Variants in AKAP19 observed in about 807,000 individuals in gnomAD.
AKAP19 encodes small A-kinase anchoring protein.
chr2:189,931,515 C>T, the AKAP19 span, among the ~76,000 whole-genome samples: 1 of 152,128 alleles, frequency 6.6e-6, no homozygotes, highest in African/African-American at 2.4e-5. Context: ...GTACACATCA[C>T]CACACCTGGC....
At chr2:190,200,167 C>CTT in the AKAP19 span, 3 of 1,602,846 alleles carry the variant, frequency 1.9e-6, no homozygotes, top group Admixed American at 1.7e-5. Context: ...GATGACAACA[C>CTT]TTTGACTGTG....
the AKAP19 span, among the ~76,000 whole-genome samples, chr2:189,948,047 C>T: frequency 1.3e-5 from 2 of 152,070 alleles, no homozygotes; most frequent in Non-Finnish European, 2.9e-5. Context: ...ATAATAAGTA[C>T]ATTTGTTTAC....
chr2:190,131,224 C>T, the AKAP19 span, among the ~76,000 whole-genome samples: 178 of 152,226 alleles, frequency 1.2e-3, 1 homozygote, highest in Middle Eastern at 0.014. Context: ...TCTTAGTGGG[C>T]ACCTAGATGG....
At chr2:190,038,901 TTTCTTCTTCTTCTTC>T in the AKAP19 span, among the ~76,000 whole-genome samples, 7 of 45,998 alleles carry the variant, frequency 1.5e-4, no homozygotes, top group Admixed American at 2.6e-4. Flanking sequence ...TCTTTCTTTC[TTTCTTCTTCTTCTTC>T]TTCTTCTTCT....
At chr2:190,066,372 A>C in the AKAP19 span, among the ~76,000 whole-genome samples, 1 of 152,184 alleles carries the variant, frequency 6.6e-6, no homozygotes, top group Non-Finnish European at 1.5e-5. Flanking sequence ...TAATGTAAAG[A>C]CTTGCCGGAA....
At chr2:190,102,802 C>CA in the AKAP19 span, among the ~76,000 whole-genome samples, 1 of 151,990 alleles carries the variant, frequency 6.6e-6, no homozygotes, top group African/African-American at 2.4e-5. Flanking sequence ...GAAACTATTC[C>CA]AAAAAATCAA....
At chr2:190,149,904 T>C in the AKAP19 span, among the ~76,000 whole-genome samples, 1 of 152,218 alleles carries the variant, frequency 6.6e-6, no homozygotes, top group Non-Finnish European at 1.5e-5. Context: ...GGTCTAGTGC[T>C]GTCAGTGGAG....
the AKAP19 span, among the ~76,000 whole-genome samples, chr2:189,989,507 G>T: frequency 1.3e-5 from 2 of 151,938 alleles, no homozygotes; most frequent in Non-Finnish European, 2.9e-5. Flanking sequence ...TTATATTTTT[G>T]TCAGACAAAA....
chr2:190,004,203 G>C, the AKAP19 span, among the ~76,000 whole-genome samples: 3 of 152,034 alleles, frequency 2.0e-5, no homozygotes, highest in Admixed American at 6.5e-5. Context: ...CAGCACACCA[G>C]CATGGCACAT....
At chr2:190,195,943 T>TTTC in the AKAP19 span, among the ~76,000 whole-genome samples, 20 of 123,300 alleles carry the variant, frequency 1.6e-4, no homozygotes, top group South Asian at 4.7e-3. Context: ...GTGTCCAGCT[T>TTTC]TTTTTTTTTT....
chr2:189,986,845 A>G, the AKAP19 span, among the ~76,000 whole-genome samples: 1 of 152,116 alleles, frequency 6.6e-6, no homozygotes, highest in Non-Finnish European at 1.5e-5. Flanking sequence ...AAAGGAAGAA[A>G]ATTCTTTGCA....
chr2:189,892,959 C>T, the AKAP19 span, among the ~76,000 whole-genome samples: 1 of 152,198 alleles, frequency 6.6e-6, no homozygotes, highest in Non-Finnish European at 1.5e-5. Flanking sequence ...GAGAGGCAAT[C>T]TGGCTACAGC....
the AKAP19 span, among the ~76,000 whole-genome samples, chr2:189,932,707 C>CAA: frequency 0.083 from 9,429 of 113,528 alleles, 583 homozygotes; most frequent in African/African-American, 0.17. Context: ...CCCTCTCTTT[C>CAA]AAAAAAAAAA....
At chr2:189,947,154 G>A in the AKAP19 span, among the ~76,000 whole-genome samples, 2 of 152,158 alleles carry the variant, frequency 1.3e-5, no homozygotes, top group Non-Finnish European at 2.9e-5. Context: ...CTAAAAGTTA[G>A]CAAATTTAAC....
chr2:190,134,589 T>C, the AKAP19 span, among the ~76,000 whole-genome samples: 58 of 152,000 alleles, frequency 3.8e-4, no homozygotes, highest in Non-Finnish European at 6.8e-4. Context: ...CTTTAATATT[T>C]TTAGAAAATT....
At chr2:190,121,669 T>C in the AKAP19 span, among the ~76,000 whole-genome samples, 1 of 152,206 alleles carries the variant, frequency 6.6e-6, no homozygotes, top group African/African-American at 2.4e-5. Flanking sequence ...TAATATTACA[T>C]GAAGCTCATT....
At chr2:190,199,016 A>AT in the AKAP19 span, among the ~76,000 whole-genome samples, 2 of 152,228 alleles carry the variant, frequency 1.3e-5, no homozygotes. Context: ...GCTTTGCTAT[A>AT]TGTAACCTAT....
chr2:190,039,016 C>CTCTTCCTCT, the AKAP19 span, among the ~76,000 whole-genome samples: 266 of 120,494 alleles, frequency 2.2e-3, no homozygotes, highest in East Asian at 5.8e-3. Flanking sequence ...CTTCCTCTTC[C>CTCTTCCTCT]TCTTCCTCTT....
the AKAP19 span, among the ~76,000 whole-genome samples, chr2:190,112,290 G>A: frequency 2.0e-5 from 3 of 152,034 alleles, no homozygotes; most frequent in Admixed American, 2.0e-4. Context: ...TAATATTTTT[G>A]TTACAGTTGT....
Sources: gnomAD v4.1 joint callset for allele counts (sites outside exome capture counted in the v4.1 genomes callset) on GRCh38, gnomAD v4.1.1 for gene constraint, MANE v1.5 for transcripts, NCBI Gene and HGNC (gene_info 2026-07-23, HGNC 2026-07-21) for gene names.